The following SH3BP2 variants were observed in gnomAD, a reference collection of about 807,000 sequenced individuals.
SH3BP2 encodes SH3 domain binding protein 2.
In SH3BP2, 38 loss-of-function variants were observed where a neutral mutation model predicts 56.2. That is an observed-to-expected ratio of 0.68 (90% CI 0.52 to 0.89). The LOEUF (loss-of-function observed/expected upper bound fraction) is 0.89, where lower values mean the gene tolerates loss of function less well. Among genes scored for constraint, SH3BP2 ranks in the 40% least tolerant of loss-of-function variants. SH3BP2 has a pLI of 0.00. For missense variants in SH3BP2, 748 were observed against 762.6 expected, an observed-to-expected ratio of 0.98 and a Z score of 0.23; for synonymous variants, 346 against 316.7, an observed-to-expected ratio of 1.09 and a Z score of -0.98.
rs1560107386 is a variant in SH3BP2, at chr4:2,825,477, C to CACACACACACAGCAACACGTGGACAT, written c.428+281_428+282insACACACACACAGCAACACGTGGACAT. On this transcript the variant is annotated intron_variant, in intron 5 of 12. Coordinates refer to ENST00000503393, the MANE Select transcript of SH3BP2 (RefSeq NM_001122681.2). ...ACACACAGAGCAACACGTGGACATG[C>CACACACACACAGCAACACGTGGACAT]GCACACACACAGAGCAACACGTGGA... is the stretch of plus-strand genomic sequence containing the variant. Among the ~76,000 whole-genome samples, 104 of 141,854 alleles carry CACACACACACAGCAACACGTGGACAT rather than the reference C, an allele frequency of 7.3e-4. 1 individual carries two copies. Among genetic ancestry groups the CACACACACACAGCAACACGTGGACAT allele is most frequent in the African/African-American group, 2.6e-3 (102 of 39,272 alleles). The allele number at this position is 141,854 out of a possible 152,430, so 93.1% of individuals were successfully genotyped here. A position where few individuals can be genotyped will look rare whatever the true frequency, so the allele number is the denominator to read the frequency against.
chr4:2,832,250 A>G (rs1201556942), intron 10 of SH3BP2, 81 bp from the exon 11 acceptor site: 5 of 1,252,310 alleles, frequency 4.0e-6, no homozygotes, highest in South Asian at 1.2e-5. Context: ...ACAGAAAGCC[A>G]GGCTTGGGAG....
chr4:2,826,139 GC>G (rs1724602113), intron 5 of SH3BP2, among the ~76,000 whole-genome samples: 1 of 152,278 alleles, frequency 6.6e-6, no homozygotes, highest in Non-Finnish European at 1.5e-5. Flanking sequence ...CACAGTCAGG[GC>G]GGCCATCCTT....
In SH3BP2 at chr4:2,829,480, C is replaced by T; in HGVS notation, c.587-13C>T. 1 of 1,613,556 alleles carries T rather than the reference C, an allele frequency of 6.2e-7. No individual in the cohort carries two copies. On this transcript the variant is annotated splice_polypyrimidine_tract_variant and intron_variant, in intron 7 of 12. Transcript: ENST00000503393. This position sits in a 1 kb window ranked among gnomAD's most constrained non-coding sequence, Gnocchi z 4.9. Reference sequence around the variant, plus strand: ...CTCTGTCAGGGTCCAACCCGGGTCTCTTTGCTCTGCAGATGCCCTGATGCA... The same window carrying T: ...CTCTGTCAGGGTCCAACCCGGGTCTTTTTGCTCTGCAGATGCCCTGATGCA...
At position 2,800,555 on chromosome 4, in the gene SH3BP2, C is replaced by G. The variant is rs987301191; in HGVS notation, c.-5+7417C>G. On this transcript the variant is annotated intron_variant, in intron 1 of 12. Coordinates refer to ENST00000503393, the MANE Select transcript of SH3BP2 (RefSeq NM_001122681.2). Reference sequence around the variant, plus strand: ...AGGTGCTTGTCCTGTGACCGCCCCCCCCCCGGGCTGATGACGGGCCAGGTG... The same window carrying G: ...AGGTGCTTGTCCTGTGACCGCCCCCGCCCCGGGCTGATGACGGGCCAGGTG... 7.2e-5 allele frequency among the ~76,000 whole-genome samples: 11 copies of G among 151,768 alleles called. No homozygotes were observed. In the East Asian group the frequency reaches 1.8e-3, roughly 24 times the overall value.
chr4:2,813,413 A>C (rs770803314), intron 1 of SH3BP2, among the ~76,000 whole-genome samples: 1 of 152,266 alleles, frequency 6.6e-6, no homozygotes, highest in Non-Finnish European at 1.5e-5. Context: ...TGAGAAGCAC[A>C]GAGCTTGGCC....
chr4:2,816,266 C>G (rs1723993646), intron 1 of SH3BP2, among the ~76,000 whole-genome samples: 1 of 152,194 alleles, frequency 6.6e-6, no homozygotes, highest in East Asian at 1.9e-4. Flanking sequence ...GTCTCGAACT[C>G]CTGACCTCAG....
intron 3 of SH3BP2, 54 bp downstream of exon 3, chr4:2,823,091 C>A: frequency 7.9e-7 from 1 of 1,269,440 alleles, no homozygotes; most frequent in Non-Finnish European, 1.1e-6. Context: ...GCGGGTCCCT[C>A]CCAGCAGAGC....
At chr4:2,805,377 C>G (rs1723490836) in intron 1 of SH3BP2, among the ~76,000 whole-genome samples, 1 of 152,180 alleles carries the variant, frequency 6.6e-6, no homozygotes, top group Non-Finnish European at 1.5e-5. Flanking sequence ...GAGTGCCCCC[C>G]TCCTGCAGCC....
chr4:2,825,323 C>G (rs1724546530), intron 5 of SH3BP2, 127 bp downstream of exon 5: 1 of 774,816 alleles, frequency 1.3e-6, no homozygotes, highest in Non-Finnish European at 2.3e-6. Flanking sequence ...CTGGAGGTGC[C>G]AGCTGGGCTG....
At chr4:2,818,421 G>T (rs1366690812) in intron 1 of SH3BP2, 7 of 1,138,128 alleles carry the variant, frequency 6.2e-6, no homozygotes, top group Non-Finnish European at 7.6e-6. Context: ...CCCGAGCCCC[G>T]GGACCCGGGC....
intron 1 of SH3BP2, chr4:2,812,547 G>A: frequency 6.6e-7 from 1 of 1,505,792 alleles, no homozygotes; most frequent in East Asian, 2.5e-5. Flanking sequence ...AACCAGTAAG[G>A]GGGCCCCACG....
rs231394 is a variant in SH3BP2, at chr4:2,834,901, C to T, written c.*1067C>T. ...GATTTTTTGGAGGAAGTAACAGCTA[C>T]GATGGGATGGGAACAGTGGACCCTA... On this transcript the variant is annotated 3_prime_UTR_variant, in exon 13 of 13. Coordinates refer to ENST00000503393, the MANE Select transcript of SH3BP2 (RefSeq NM_001122681.2). The T allele has an allele frequency of 0.57, 87,552 of 152,390 alleles. 25,326 individuals are homozygous for T. The highest frequency in any genetic ancestry group is 0.69 in the Middle Eastern group (207 of 298). The allele number at this position is 152,390 out of a possible 1,614,324, so 9.4% of individuals were successfully genotyped here.
chr4:2,826,941 G>A (rs376871754), intron 5 of SH3BP2: 127 of 600,890 alleles, frequency 2.1e-4, no homozygotes, highest in African/African-American at 1.6e-3. Flanking sequence ...GTGTTCCTGC[G>A]TGTGCTTGTG....
At chr4:2,817,210 G>A (rs1724036476) in intron 1 of SH3BP2, among the ~76,000 whole-genome samples, 1 of 152,234 alleles carries the variant, frequency 6.6e-6, no homozygotes, top group African/African-American at 2.4e-5. Flanking sequence ...GTTTAGCACT[G>A]AGCAGTGATG....
At chr4:2,830,289 G>A (rs1345785927) in intron 8 of SH3BP2, 142 bp downstream of exon 8, 12 of 758,440 alleles carry the variant, frequency 1.6e-5, no homozygotes, top group African/African-American at 7.0e-5. Flanking sequence ...GAAGGTTCCC[G>A]GTTGCCTCCA....
chr4:2,832,160 C>T, intron 10 of SH3BP2, 171 bp from the exon 11 acceptor site: 1 of 957,288 alleles, frequency 1.0e-6, no homozygotes, highest in Non-Finnish European at 1.7e-6. Flanking sequence ...CCCTGGCTGG[C>T]CAGGGCTCTG....
At chr4:2,833,587 G>A in intron 12 of SH3BP2, 110 bp from the exon 13 acceptor site, 2 of 1,430,762 alleles carry the variant, frequency 1.4e-6, no homozygotes, top group Non-Finnish European at 1.9e-6. Context: ...GGGCCAGCCT[G>A]GTGATGCCGC....
chr4:2,833,675 TCCC>T lies in SH3BP2; in HGVS notation c.1549-19_1549-17del, dbSNP rs747109967. On this transcript the variant is annotated intron_variant, in intron 12 of 12. Transcript: ENST00000503393. Reference sequence around the variant, plus strand: ...CAGAGTGGCCTGGCCCTGCTGACGCTCCCCCTTCTCTTCCCCCACAGGACTCTA... The same window carrying T: ...CAGAGTGGCCTGGCCCTGCTGACGCTCCTTCTCTTCCCCCACAGGACTCTA... 25 of 1,606,028 alleles carry T rather than the reference TCCC, an allele frequency of 1.6e-5. No homozygotes were observed. The South Asian group carries it at 2.6e-4, about 16-fold the overall frequency.
intron 1 of SH3BP2, among the ~76,000 whole-genome samples, chr4:2,795,526 T>C (rs1159339660): frequency 6.6e-6 from 1 of 152,216 alleles, no homozygotes; most frequent in African/African-American, 2.4e-5. Flanking sequence ...GCCATCACTG[T>C]GCAGCCTGGG....
Sources: allele counts gnomAD v4.1 joint callset (sites outside exome capture counted in the v4.1 genomes callset), GRCh38; gene constraint gnomAD v4.1.1; non-coding constraint Gnocchi (gnomAD v3.1); transcripts MANE v1.5; gene names NCBI Gene and HGNC (gene_info 2026-07-23, HGNC 2026-07-21).